Variants in TNRC6C observed in about 807,000 individuals in gnomAD.
TNRC6C encodes trinucleotide repeat containing adaptor 6C.
Under a neutral mutation model 153.7 loss-of-function variants are expected in TNRC6C, and 20 were observed. That is an observed-to-expected ratio of 0.13 (90% confidence interval 0.09 to 0.19). TNRC6C has a LOEUF of 0.19. Among genes scored for constraint, TNRC6C ranks in the 10% least tolerant of loss-of-function variants. TNRC6C has a pLI of 1.00. For missense variants in TNRC6C, 1,987 were observed against 2,172.0 expected, an observed-to-expected ratio of 0.91 and a Z score of 1.69; for synonymous variants, 811 against 841.4, an observed-to-expected ratio of 0.96 and a Z score of 0.63.
chr17:77,968,472 A>G (rs1273751059), intron 1 of TNRC6C, among the ~76,000 whole-genome samples: 2 of 147,182 alleles, frequency 1.4e-5, no homozygotes. Flanking sequence ...CTCCCAAGTA[A>G]CTGGGACTAC....
At chr17:77,958,636 A>T (rs1478091075), upstream of TNRC6C, among the ~76,000 whole-genome samples, 2 of 151,764 alleles carry the variant, frequency 1.3e-5, no homozygotes, top group Non-Finnish European at 2.9e-5. Flanking sequence ...GTTGGAGGCC[A>T]ACGCGGGGCG....
chr17:78,027,648 C>A (rs1421720862), intron 1 of TNRC6C, among the ~76,000 whole-genome samples: 1 of 152,118 alleles, frequency 6.6e-6, no homozygotes, highest in African/African-American at 2.4e-5. Context: ...TTGGAGGGTG[C>A]CCCCTTGCAT....
upstream of TNRC6C, among the ~76,000 whole-genome samples, chr17:77,958,407 C>G (rs1163344198): frequency 6.6e-6 from 1 of 151,932 alleles, no homozygotes; most frequent in Non-Finnish European, 1.5e-5. Context: ...ACTCGGAGCG[C>G]GCACCGCTCG....
intron 11 of TNRC6C, 97 bp downstream of exon 13, chr17:78,083,263 G>C (rs1003238244): frequency 6.7e-7 from 1 of 1,503,170 alleles, no homozygotes; most frequent in Non-Finnish European, 9.0e-7. Context: ...TTGTCTTCAC[G>C]TCAGGGATGT....
At chr17:78,022,322 A>G (rs1742926499) in intron 1 of TNRC6C, among the ~76,000 whole-genome samples, 1 of 152,250 alleles carries the variant, frequency 6.6e-6, no homozygotes, top group Admixed American at 6.5e-5. Flanking sequence ...CAGGTAGCAC[A>G]CAGGAAACCA....
chr17:78,022,717 CTTCAT>C (rs982253165), intron 1 of TNRC6C, among the ~76,000 whole-genome samples: 2 of 152,168 alleles, frequency 1.3e-5, no homozygotes, highest in Admixed American at 1.3e-4. Context: ...GGTGCATTTT[CTTCAT>C]TTCGAGTCTT....
intron 7 of TNRC6C, among the ~76,000 whole-genome samples, chr17:78,074,809 A>T (rs1258713767): frequency 6.6e-6 from 1 of 152,228 alleles, no homozygotes; most frequent in African/African-American, 2.4e-5. Flanking sequence ...GGTGCATCCC[A>T]GGGGAGAGGA....
intron 1 of TNRC6C, among the ~76,000 whole-genome samples, chr17:77,973,581 A>G (rs190881650): frequency 4.6e-5 from 7 of 152,366 alleles, no homozygotes; most frequent in Admixed American, 1.3e-4. Context: ...AACCCTGTGT[A>G]TAGAAAATCC....
At chr17:77,968,335 A>ATGT (rs1227979949) in intron 1 of TNRC6C, among the ~76,000 whole-genome samples, 1 of 144,430 alleles carries the variant, frequency 6.9e-6, no homozygotes, top group East Asian at 2.2e-4. Flanking sequence ...CCTGGCTGAG[A>ATGT]TGTAGTGGGT....
chr17:78,074,492 A>T (rs2073051377), intron 7 of TNRC6C, among the ~76,000 whole-genome samples: 1 of 152,240 alleles, frequency 6.6e-6, no homozygotes, highest in Admixed American at 6.5e-5. Context: ...GGCGGGACAG[A>T]GCAGCGTGTG....
chr17:77,972,967 A>G lies in TNRC6C; in HGVS notation c.-38+13699A>G, dbSNP rs2070951119. Reference sequence around the variant, plus strand: ...CTCTCTCAGGCTGGAGTGCAATGGCACGATCTCGGCTCACCACAACCTCCG... The same window carrying G: ...CTCTCTCAGGCTGGAGTGCAATGGCGCGATCTCGGCTCACCACAACCTCCG... On this transcript the variant is annotated intron_variant, in intron 1 of 22. Transcript: ENST00000636222. 2.0e-5 allele frequency among the ~76,000 whole-genome samples: 3 copies of G among 152,202 alleles called. No homozygotes were observed. In the South Asian group the frequency reaches 6.2e-4, roughly 32 times the overall value.
At chr17:78,016,249 C>T (rs187923780) in intron 1 of TNRC6C, among the ~76,000 whole-genome samples, 1 of 152,306 alleles carries the variant, frequency 6.6e-6, no homozygotes, top group African/African-American at 2.4e-5. Flanking sequence ...ACAAAAGGAG[C>T]GATTGGGAAT....
chr17:78,080,676 G>A (rs1334927829), intron 10 of TNRC6C, among the ~76,000 whole-genome samples: 2 of 152,032 alleles, frequency 1.3e-5, no homozygotes, highest in Admixed American at 6.6e-5. Flanking sequence ...TGCTGCGTGG[G>A]GTAACTCAGG....
chr17:77,968,623 G>A (rs145965175), intron 1 of TNRC6C, among the ~76,000 whole-genome samples: 2 of 152,290 alleles, frequency 1.3e-5, no homozygotes, highest in Admixed American at 6.5e-5. Flanking sequence ...GATTACAGGC[G>A]TGAGCCACCG....
intron 1 of TNRC6C, among the ~76,000 whole-genome samples, chr17:78,006,242 C>A (rs532133931): frequency 2.8e-4 from 43 of 152,244 alleles, no homozygotes; most frequent in African/African-American, 1.0e-3. Context: ...ACTAGAGTCA[C>A]ATGAAGAGAG....
chr17:78,102,061 T>C (rs1459581235), intron 17 of TNRC6C, among the ~76,000 whole-genome samples: 1 of 152,224 alleles, frequency 6.6e-6, no homozygotes, highest in Admixed American at 6.5e-5. Context: ...TTCTGCCTTT[T>C]AGCGGCAGCC....
chr17:78,097,849 C>T, intron 16 of TNRC6C: 1 of 1,547,168 alleles, frequency 6.5e-7, no homozygotes, highest in Non-Finnish European at 8.7e-7. Context: ...TGCATCCGCA[C>T]CTAGTGTTGC....
At chr17:78,009,636 C>T (rs2071587772) in intron 1 of TNRC6C, among the ~76,000 whole-genome samples, 1 of 152,086 alleles carries the variant, frequency 6.6e-6, no homozygotes, top group Admixed American at 6.5e-5. Context: ...CTCACTGGAA[C>T]CTCTGCCTCC....
intron 1 of TNRC6C, among the ~76,000 whole-genome samples, chr17:78,028,174 C>T (rs1420687743): frequency 3.3e-5 from 5 of 152,166 alleles, no homozygotes; most frequent in Non-Finnish European, 5.9e-5. Context: ...GGATTACAGG[C>T]GTGAGCCATC....
Sources: gnomAD v4.1 joint callset for allele counts (sites outside exome capture counted in the v4.1 genomes callset) on GRCh38, gnomAD v4.1.1 for gene constraint, MANE v1.5 for transcripts, NCBI Gene and HGNC (gene_info 2026-07-23, HGNC 2026-07-21) for gene names.